The following BCAS2 variants were observed in gnomAD, a reference collection of about 807,000 sequenced individuals.
BCAS2 encodes pre-mRNA-splicing factor SPF27.
Under a neutral mutation model 35.3 loss-of-function variants are expected in BCAS2, and 34 were observed. The ratio of observed to expected loss-of-function variants is 0.96; its 90% CI spans 0.73 to 1.28. BCAS2 has a LOEUF of 1.28. Ranked by LOEUF, BCAS2 falls within the 50% of genes most tolerant of loss-of-function variation. The probability of loss-of-function intolerance (pLI) is 0.00; values close to 1 mark genes in which losing one functional copy is unlikely to be tolerated. For missense variants in BCAS2, 221 were observed against 268.1 expected, an observed-to-expected ratio of 0.82 and a Z score of 1.23; for synonymous variants, 75 against 91.6, an observed-to-expected ratio of 0.82 and a Z score of 1.03.
intron 4 of BCAS2, among the ~76,000 whole-genome samples, chr1:114,571,667 A>C (rs1292530070): frequency 1.3e-5 from 2 of 152,150 alleles, no homozygotes; most frequent in Non-Finnish European, 2.9e-5. Context: ...GTCACTTCTT[A>C]AACTGTCATG....
intron 5 of BCAS2, among the ~76,000 whole-genome samples, 196 bp from the exon 6 acceptor site, chr1:114,570,268 T>TCACACACACA (rs61232118): frequency 1.3e-5 from 2 of 150,626 alleles, no homozygotes; most frequent in South Asian, 2.1e-4. Flanking sequence ...TTGTGAGAAA[T>TCACACACACA]CACACACACA....
chr1:114,569,932 T>C (rs1290237920), intron 6 of BCAS2, 60 bp downstream of exon 6: 13 of 1,317,734 alleles, frequency 9.9e-6, no homozygotes, highest in Non-Finnish European at 1.3e-5. Context: ...AATCATATTA[T>C]TGAATCGACC....
intron 4 of BCAS2, among the ~76,000 whole-genome samples, chr1:114,572,431 C>A (rs1654666877): frequency 6.6e-6 from 1 of 152,208 alleles, no homozygotes; most frequent in South Asian, 2.1e-4. Flanking sequence ...TCCCACCCTT[C>A]CTCTTAAATA....
intron 2 of BCAS2, among the ~76,000 whole-genome samples, chr1:114,578,927 G>A (rs1397000566): frequency 6.6e-6 from 1 of 152,182 alleles, no homozygotes; most frequent in African/African-American, 2.4e-5. Flanking sequence ...ATAGTTTATA[G>A]AGCTGTTATG....
At position 114,581,307 on chromosome 1, in the gene BCAS2, C is replaced by G; in HGVS notation, c.178G>C (p.Ala60Pro). 1 of 1,614,178 alleles carries G rather than the reference C, an allele frequency of 6.2e-7. No homozygotes were observed. Residue 60 changes from alanine (A) to proline (P), a missense_variant, in exon 2 of 7, where the codon GCC becomes CCC. Physicochemically the swap from Ala to Pro is conservative, Grantham distance 27. Transcript: ENST00000369541. ...GCTCAAGACATACTTACTTCAAAGGCAGAATAATCCGGGGCTGTCAGGTAG... is the reference window on the plus strand; with the variant it reads ...GCTCAAGACATACTTACTTCAAAGGGAGAATAATCCGGGGCTGTCAGGTAG... ...LSYLTAPDYS[A>P]FETDIMRNEF...
chr1:114,572,942 G>A (rs1365330216), intron 4 of BCAS2, among the ~76,000 whole-genome samples: 2 of 151,612 alleles, frequency 1.3e-5, no homozygotes, highest in African/African-American at 4.8e-5. Context: ...GTGAAACCCC[G>A]TCTCCACAAA....
At chr1:114,568,506 C>CA (rs1654573279) in intron 6 of BCAS2, among the ~76,000 whole-genome samples, 1 of 151,886 alleles carries the variant, frequency 6.6e-6, no homozygotes, top group Non-Finnish European at 1.5e-5. Flanking sequence ...AGCTGGATTA[C>CA]AGGCACACGC....
At chr1:114,578,281 G>A (rs1199916452) in intron 2 of BCAS2, among the ~76,000 whole-genome samples, 3 of 151,932 alleles carry the variant, frequency 2.0e-5, no homozygotes, top group African/African-American at 7.3e-5. Flanking sequence ...ATTTTGCAGG[G>A]GCTACTGCTA....
In BCAS2 at chr1:114,581,579, C is replaced by G. The variant is rs1417032090; in HGVS notation, c.13G>C (p.Gly5Arg). The stretch of plus-strand genomic sequence containing the variant: ...ACCACAACCTCTCCAGCCACCAAAC[C>G]TGTGCCCGCCATTCTGAGGACCTCA... MAGT[G>R]LVAGEVVVDA... Residue 5 changes from glycine to arginine, a missense_variant, in exon 1 of 7, where the codon GGT becomes CGT. Coordinates refer to ENST00000369541, the MANE Select transcript of BCAS2 (RefSeq NM_005872.3). 8 of 1,603,364 alleles carry G rather than the reference C, an allele frequency of 5.0e-6. No individual in the cohort carries two copies. Among genetic ancestry groups the G allele is most frequent in the Non-Finnish European group, 6.8e-6 (8 of 1,174,916 alleles).
In BCAS2 at chr1:114,576,365, C is replaced by T. The variant is rs950092958; in HGVS notation, c.257+323G>A. 1.2e-4 allele frequency among the ~76,000 whole-genome samples: 18 copies of T among 151,172 alleles called. No individual in the cohort carries two copies. In the East Asian group the frequency reaches 1.9e-3, roughly 16 times the overall value. On this transcript the variant is annotated intron_variant, in intron 3 of 6. Transcript: ENST00000369541. ...CCTCCATCTCCTGGGGGGTGTCAAG[C>T]GATCCACCTACCTCAGCTTTCCAAG...
chr1:114,576,430 G>GTTT (rs1557932135), intron 3 of BCAS2, among the ~76,000 whole-genome samples: 1 of 135,034 alleles, frequency 7.4e-6, no homozygotes, highest in Non-Finnish European at 1.6e-5. Context: ...ACCCAGGTAC[G>GTTT]TTTATTATTA....
intron 2 of BCAS2, 140 bp downstream of exon 2, chr1:114,581,159 T>A (rs1570743790): frequency 1.2e-6 from 1 of 833,906 alleles, no homozygotes; most frequent in East Asian, 2.4e-5. Flanking sequence ...TCTATCTAGT[T>A]GTTTTCAATA....
At chr1:114,576,409 C>T (rs927258232) in intron 3 of BCAS2, among the ~76,000 whole-genome samples, 15 of 149,872 alleles carry the variant, frequency 1.0e-4, no homozygotes, top group Non-Finnish European at 1.8e-4. Context: ...TCCACGGGTG[C>T]GTGCCACCAC....
At chr1:114,570,571 T>C in intron 5 of BCAS2, 129 bp downstream of exon 5, 1 of 700,144 alleles carries the variant, frequency 1.4e-6, no homozygotes, top group Non-Finnish European at 2.4e-6. Flanking sequence ...TGTCAGATGT[T>C]GAACAAAGAG....
chr1:114,568,256 A>C lies in BCAS2; in HGVS notation c.552T>G (p.Asn184Lys), dbSNP rs1241029946. The C allele has an allele frequency of 6.2e-7, 1 of 1,611,562 alleles. No homozygotes were observed. Among genetic ancestry groups the C allele is most frequent in the Non-Finnish European group, 8.5e-7 (1 of 1,179,338 alleles). Residue 184 changes from asparagine to lysine, a missense_variant and splice_region_variant, in exon 7 of 7, where the codon AAT (asparagine) becomes AAG (lysine). Asn to Lys is a moderately conservative substitution (Grantham distance 94, BLOSUM62 0). Coordinates refer to ENST00000369541, the MANE Select transcript of BCAS2 (RefSeq NM_005872.3). ...AGSKLREMES[N>K]WVSLVSKNYE... ...AATTCTTACTGACCAGGGATACCCA[A>C]CTAGAATGGGGGGGAAGAAAAGAAA... is the stretch of plus-strand genomic sequence containing the variant.
chr1:114,575,763 C>G lies in BCAS2; in HGVS notation c.258-12G>C, dbSNP rs200023035. The G allele has an allele frequency of 6.2e-6, 10 of 1,609,322 alleles. No homozygotes were observed. The East Asian group carries it at 2.2e-4, about 36-fold the overall frequency. On this transcript the variant is annotated splice_polypyrimidine_tract_variant and intron_variant, in intron 3 of 6. Transcript: ENST00000369541. ...CTGGAAGCTCATATCTGAAATTAAA[C>G]AACAAAATAAAATAAAACCATCTAT...
chr1:114,571,309 C>G (rs1268109716), intron 4 of BCAS2, among the ~76,000 whole-genome samples: 2 of 152,056 alleles, frequency 1.3e-5, no homozygotes, highest in Admixed American at 1.3e-4. Flanking sequence ...GATCCATCTG[C>G]CTCGGCCTCC....
In BCAS2 at chr1:114,567,561, TG is replaced by T. The variant is rs1431638223; in HGVS notation, c.*568del. The T allele has an allele frequency of 6.6e-6, 1 of 152,242 alleles. No homozygotes were observed. The highest frequency in any genetic ancestry group is 2.4e-5 in the African/African-American group (1 of 41,464). 9.4% of individuals were successfully genotyped at this position (152,242 alleles called of 1,614,324 possible). A position where few individuals can be genotyped will look rare whatever the true frequency, so the allele number is the denominator to read the frequency against. On this transcript the variant is annotated 3_prime_UTR_variant, in exon 7 of 7. Coordinates refer to ENST00000369541, the MANE Select transcript of BCAS2 (RefSeq NM_005872.3). ...AACAGTAACCGCCTCCTGAGGTTTTTGTGAGGACCAAATAATTTTTATTCAC... is the reference window on the plus strand; with the variant it reads ...AACAGTAACCGCCTCCTGAGGTTTTTTGAGGACCAAATAATTTTTATTCAC...
At chr1:114,578,051 C>T (rs888723895) in intron 2 of BCAS2, among the ~76,000 whole-genome samples, 14 of 151,976 alleles carry the variant, frequency 9.2e-5, no homozygotes, top group African/African-American at 2.9e-4. Flanking sequence ...ATTAGCTGGG[C>T]GTGATGGCAC....
Sources: allele counts gnomAD v4.1 joint callset (sites outside exome capture counted in the v4.1 genomes callset), GRCh38; gene constraint gnomAD v4.1.1; transcripts MANE v1.5; gene names NCBI Gene and HGNC (gene_info 2026-07-23, HGNC 2026-07-21).